Variants in ZNF831 observed in about 807,000 individuals in gnomAD.
ZNF831 encodes zinc finger protein 831.
A neutral mutation model predicts 95.8 loss-of-function variants in ZNF831; 59 were observed. The ratio of observed to expected loss-of-function variants is 0.62; its 90% CI spans 0.50 to 0.77. ZNF831 has a LOEUF of 0.77. ZNF831 is among the 30% of genes least tolerant of loss of function. ZNF831 has a pLI of 0.00. For synonymous variants in ZNF831, 961 were observed against 925.5 expected, an observed-to-expected ratio of 1.04 and a Z score of -0.70; for missense variants, 2,205 against 2,164.0, an observed-to-expected ratio of 1.02 and a Z score of -0.38.
intron 4 of ZNF831, among the ~76,000 whole-genome samples, chr20:59,221,521 C>T (rs1266818152): frequency 6.6e-6 from 1 of 152,210 alleles, no homozygotes; most frequent in Non-Finnish European, 1.5e-5. Context: ...CCAAAAACAA[C>T]CATTGCTTCC....
chr20:59,143,489 C>T (rs1007826552), intron 1 of ZNF831, among the ~76,000 whole-genome samples: 4 of 152,344 alleles, frequency 2.6e-5, no homozygotes, highest in South Asian at 4.1e-4. Flanking sequence ...AGCCTCTCTC[C>T]CTTCCCTCCT....
At chr20:59,249,628 A>G (rs1449508848) in intron 4 of ZNF831, among the ~76,000 whole-genome samples, 1 of 152,166 alleles carries the variant, frequency 6.6e-6, no homozygotes, top group Non-Finnish European at 1.5e-5. Flanking sequence ...TTACCTGAGT[A>G]CACGGGAGGG....
chr20:59,155,401 G>A (rs1031957631), intron 2 of ZNF831, among the ~76,000 whole-genome samples: 1 of 152,236 alleles, frequency 6.6e-6, no homozygotes, highest in Admixed American at 6.5e-5. Flanking sequence ...CATGCCTAGA[G>A]CACCCTGATG....
In ZNF831 at chr20:59,138,910, G is replaced by A. The variant is rs116048496; in HGVS notation, c.-1424-7321G>A. ...TGGATGTTCCCTTGGATTTTTCCTT[G>A]ATCTTTACTCTCTTATTTTTCAGAC... On this transcript the variant is annotated intron_variant, in intron 1 of 7. Coordinates refer to the ZNF831 transcript ENST00000637017. Among the ~76,000 whole-genome samples, 951 of 152,196 alleles carry A rather than the reference G, an allele frequency of 6.2e-3. 12 individuals carry two copies. Among genetic ancestry groups the A allele is most frequent in the African/African-American group, 0.022 (912 of 41,530 alleles).
chr20:59,198,922 A>C (rs1417374249), intron 3 of ZNF831, among the ~76,000 whole-genome samples: 1 of 152,072 alleles, frequency 6.6e-6, no homozygotes, highest in Admixed American at 6.6e-5. Flanking sequence ...AAGCATCAGC[A>C]CCATGAGGGC....
At chr20:59,210,374 C>T (rs1310513758) in intron 4 of ZNF831, among the ~76,000 whole-genome samples, 1 of 152,132 alleles carries the variant, frequency 6.6e-6, no homozygotes, top group Non-Finnish European at 1.5e-5. Flanking sequence ...CGGGATGGGG[C>T]TCCGCGGAGC....
rs1983733129 is a variant in ZNF831 at position 59,192,924 on chromosome 20, G to A, written c.1905G>A (p.Met635Ile). The A allele has an allele frequency of 6.2e-7, 1 of 1,600,912 alleles. No homozygotes were observed. Among genetic ancestry groups the A allele is most frequent in the Non-Finnish European group, 8.5e-7 (1 of 1,174,124 alleles). ...CGTTCAAAAGGATCTACCAGAAAAT[G>A]AAAGCCAGTCCCCATGGAGGCAAGA... ...DETFKRIYQK[M>I]KASPHGGKKA... The change falls in exon 2 of 6, where the codon ATG (methionine) becomes ATA (isoleucine). Residue 635 changes from methionine (M) to isoleucine (I), a missense_variant. Transcript: ENST00000371030. The surrounding 1 kb of genome is among the most constrained non-coding windows in gnomAD (Gnocchi z 5.2).
At chr20:59,138,553 T>C (rs934909929) in intron 1 of ZNF831, among the ~76,000 whole-genome samples, 11 of 152,218 alleles carry the variant, frequency 7.2e-5, no homozygotes, top group Non-Finnish European at 1.2e-4. Flanking sequence ...TTTTGGTTTT[T>C]CTCACAAGCA....
intron 4 of ZNF831, among the ~76,000 whole-genome samples, chr20:59,220,337 T>C (rs1192525144): frequency 6.6e-6 from 1 of 152,210 alleles, no homozygotes; most frequent in Admixed American, 6.5e-5. Context: ...AGGTGCGCCT[T>C]GCGGGGTCTG....
In ZNF831 at chr20:59,255,690, T is replaced by A. The variant is rs894287975; in HGVS notation, c.*947T>A. On this transcript the variant is annotated 3_prime_UTR_variant, in exon 6 of 6. Coordinates refer to ENST00000371030, the MANE Select transcript of ZNF831 (RefSeq NM_178457.3). The stretch of plus-strand genomic sequence containing the variant: ...AGCTTCAACTGATGCCTGCTCGTCG[T>A]GACGGGAGCCTTTTAGATTTCCTTC... The A allele has an allele frequency of 6.6e-6, 1 of 152,248 alleles. No homozygotes were observed. Among genetic ancestry groups the A allele is most frequent in the Non-Finnish European group, 1.5e-5 (1 of 68,042 alleles). 9.4% of individuals were successfully genotyped at this position (152,248 alleles called of 1,614,324 possible).
chr20:59,128,013 G>A (rs956645296), intron 1 of ZNF831, among the ~76,000 whole-genome samples: 23 of 152,234 alleles, frequency 1.5e-4, no homozygotes, highest in Admixed American at 1.0e-3. Context: ...CCTGGGGGCC[G>A]TGGCCCAGTG....
At chr20:59,199,067 T>A (rs1221223608) in intron 3 of ZNF831, among the ~76,000 whole-genome samples, 5 of 43,782 alleles carry the variant, frequency 1.1e-4, no homozygotes, top group African/African-American at 5.1e-4. Context: ...ACCCATCAAC[T>A]TACATATCTA....
chr20:59,139,844 T>C (rs2146443256), intron 1 of ZNF831, among the ~76,000 whole-genome samples: 2 of 152,316 alleles, frequency 1.3e-5, no homozygotes, highest in Middle Eastern at 3.4e-3. Context: ...CAGAGGATGA[T>C]AGAGCATGGA....
chr20:59,204,401 C>T (rs994363119), intron 3 of ZNF831, among the ~76,000 whole-genome samples: 1 of 152,168 alleles, frequency 6.6e-6, no homozygotes, highest in Admixed American at 6.5e-5. Context: ...CTGCATGTGA[C>T]CCCCACCACA....
chr20:59,252,884 A>G, intron 4 of ZNF831, 94 bp from the exon 5 acceptor site: 1 of 1,359,740 alleles, frequency 7.4e-7, no homozygotes, highest in Non-Finnish European at 1.0e-6. Flanking sequence ...ATGAGCTCAG[A>G]GGCGATCAAG....
At chr20:59,206,803 T>G in intron 3 of ZNF831, 102 bp from the exon 4 acceptor site, 7 of 1,327,660 alleles carry the variant, frequency 5.3e-6, no homozygotes, top group Non-Finnish European at 7.3e-6. Flanking sequence ...AGTTAGAGGT[T>G]GAGCCCCGTG....
At chr20:59,133,484 G>T (rs967962656) in intron 1 of ZNF831, among the ~76,000 whole-genome samples, 14 of 152,204 alleles carry the variant, frequency 9.2e-5, no homozygotes, top group South Asian at 2.1e-4. Flanking sequence ...ATGAATGCAG[G>T]TCTGTCCATA....
At chr20:59,203,613 C>T (rs1254155467) in intron 3 of ZNF831, among the ~76,000 whole-genome samples, 2 of 152,224 alleles carry the variant, frequency 1.3e-5, no homozygotes, top group African/African-American at 4.8e-5. Flanking sequence ...CAGACCCCTG[C>T]ATTAATCCAC....
chr20:59,250,407 A>C (rs1254847090), intron 4 of ZNF831, among the ~76,000 whole-genome samples: 2 of 152,158 alleles, frequency 1.3e-5, no homozygotes, highest in Non-Finnish European at 2.9e-5. Flanking sequence ...TAACTACTTC[A>C]GGGTTCCCAC....
Sources: allele counts gnomAD v4.1 joint callset (sites outside exome capture counted in the v4.1 genomes callset), GRCh38; gene constraint gnomAD v4.1.1; non-coding constraint Gnocchi (gnomAD v3.1); transcripts MANE v1.5; gene names NCBI Gene and HGNC (gene_info 2026-07-23, HGNC 2026-07-21).